FBXL5: variants seen among roughly 807,000 people sequenced by gnomAD.
FBXL5 encodes F-box/LRR-repeat protein 5.
Under a neutral mutation model 78.3 loss-of-function variants are expected in FBXL5, and 26 were observed. The ratio of observed to expected loss-of-function variants is 0.33; its 90% CI spans 0.24 to 0.46. The LOEUF (loss-of-function observed/expected upper bound fraction) is 0.46, where lower values mean the gene tolerates loss of function less well. FBXL5 is among the 20% of genes least tolerant of loss of function. The pLI is 1.00. For synonymous variants in FBXL5, 295 were observed against 282.5 expected, an observed-to-expected ratio of 1.04 and a Z score of -0.45; for missense variants, 710 against 829.2, an observed-to-expected ratio of 0.86 and a Z score of 1.77.
intron 1 of FBXL5, among the ~76,000 whole-genome samples, chr4:15,651,241 C>G (rs1298686746): frequency 6.6e-6 from 1 of 152,034 alleles, no homozygotes; most frequent in East Asian, 1.9e-4. Context: ...TGCATAAAAT[C>G]ATAGAGCTAC....
chr4:15,653,532 A>T (rs1175401770), intron 1 of FBXL5, among the ~76,000 whole-genome samples: 3 of 152,198 alleles, frequency 2.0e-5, no homozygotes, highest in Non-Finnish European at 4.4e-5. Flanking sequence ...ACACACGCAC[A>T]AAATTTTCCA....
chr4:15,636,776 C>T, intron 4 of FBXL5, 100 bp from the exon 5 acceptor site: 1 of 772,390 alleles, frequency 1.3e-6, no homozygotes, highest in Non-Finnish European at 2.0e-6. Context: ...TGCCTGAAGT[C>T]AATTCCTTCC....
chr4:15,616,760 T>A (rs1451120480), intron 9 of FBXL5, among the ~76,000 whole-genome samples: 4 of 152,334 alleles, frequency 2.6e-5, no homozygotes, highest in African/African-American at 9.6e-5. Context: ...CCCTGTATTT[T>A]GCCCGGCTCT....
chr4:15,675,875 G>A (rs560336154), intron 1 of FBXL5, among the ~76,000 whole-genome samples: 3 of 152,154 alleles, frequency 2.0e-5, no homozygotes, highest in African/African-American at 7.2e-5. Flanking sequence ...GAGCCACCGC[G>A]CCCAGCCAAA....
At chr4:15,663,069 G>A (rs1717390085), upstream of FBXL5, among the ~76,000 whole-genome samples, 3 of 152,030 alleles carry the variant, frequency 2.0e-5, no homozygotes, top group Admixed American at 2.0e-4. Context: ...CAAAATAAAA[G>A]GAATGCTATT....
intron 2 of FBXL5, chr4:15,641,518 G>T (rs1714869984): frequency 5.1e-6 from 2 of 395,650 alleles, no homozygotes; most frequent in African/African-American, 2.4e-5. Flanking sequence ...CTTTTCTCTA[G>T]CTTACCTTAC....
In FBXL5 at chr4:15,616,089, C is replaced by G. The variant is rs1467786798; in HGVS notation, c.1851-3675G>C. On this transcript the variant is annotated intron_variant, in intron 9 of 10. Transcript: ENST00000341285. ...GCCTTAAGAGCTGTAACACTCACCG[C>G]GAAGGTCTGCAGCTTCACTCCTGAG... Among the ~76,000 whole-genome samples, 3 of 152,142 alleles carry G rather than the reference C, an allele frequency of 2.0e-5. No homozygotes were observed. In the South Asian group the frequency reaches 6.3e-4, roughly 32 times the overall value.
At chr4:15,670,005 A>C (rs533615472) in intron 1 of FBXL5, among the ~76,000 whole-genome samples, 8 of 152,234 alleles carry the variant, frequency 5.3e-5, no homozygotes, top group Non-Finnish European at 1.2e-4. Context: ...GAAAGAAATA[A>C]AATTAGAGCT....
chr4:15,631,243 G>A (rs995006026), intron 5 of FBXL5, among the ~76,000 whole-genome samples: 1 of 152,172 alleles, frequency 6.6e-6, no homozygotes, highest in Non-Finnish European at 1.5e-5. Flanking sequence ...CAAAGGACAT[G>A]AACTCATCAT....
At chr4:15,623,825 AGTTT>A (rs1413122064) in intron 9 of FBXL5, among the ~76,000 whole-genome samples, 1 of 146,120 alleles carries the variant, frequency 6.8e-6, no homozygotes, top group Non-Finnish European at 1.5e-5. Flanking sequence ...ATTTTACAAT[AGTTT>A]TTTTTTTTTT....
At chr4:15,650,017 A>G (rs1715794534) in intron 1 of FBXL5, among the ~76,000 whole-genome samples, 1 of 152,194 alleles carries the variant, frequency 6.6e-6, no homozygotes, top group Non-Finnish European at 1.5e-5. Flanking sequence ...CAGAAAGAAC[A>G]CTTGCTCTAA....
At chr4:15,626,070 T>A in intron 8 of FBXL5, 93 bp from the exon 9 acceptor site, 1 of 1,129,664 alleles carries the variant, frequency 8.9e-7, no homozygotes, top group Non-Finnish European at 1.2e-6. Context: ...GAAGAAAGAT[T>A]TGACATCTAA....
In FBXL5 at chr4:15,612,413, C is replaced by G. The variant is rs750868400; in HGVS notation, c.1852G>C (p.Val618Leu). The G allele has an allele frequency of 3.7e-6, 6 of 1,604,712 alleles. No individual in the cohort carries two copies. Among genetic ancestry groups the G allele is most frequent in the Non-Finnish European group, 5.1e-6 (6 of 1,176,780 alleles). The change falls in exon 10 of 11, where the codon GTT becomes CTT. Residue 618 changes from valine (V) to leucine (L), a missense_variant and splice_region_variant. Val to Leu is a conservative substitution (Grantham distance 32). This residue lies in a region of FBXL5 where 58 missense variants were observed against 112.3 expected (regional missense o/e 0.52). Coordinates refer to ENST00000341285, the MANE Select transcript of FBXL5 (RefSeq NM_012161.4). ...GGCAGCCCTCCTCCCAGAGTCAAAA[C>G]CCTGTAAGAAAAATAATTTGACAAT... ...CYQITDHGLRVLTLGGGLPYL... is the reference protein window; with the variant it reads ...CYQITDHGLRLLTLGGGLPYL...
In FBXL5 at chr4:15,605,720, G is replaced by A. The variant is rs771311265; in HGVS notation, c.*3C>T. On this transcript the variant is annotated 3_prime_UTR_variant, in exon 11 of 11. Transcript: ENST00000341285. ...GAAGTAGACAAAGATCAGAAGTCAA[G>A]GGTCATTCGCCAGAGCGGCAGCAGG... 1 of 1,612,928 alleles carries A rather than the reference G, an allele frequency of 6.2e-7. No individual in the cohort carries two copies. Among genetic ancestry groups the A allele is most frequent in the Admixed American group, 1.7e-5 (1 of 59,868 alleles).
At chr4:15,622,986 G>C (rs1443000908) in intron 9 of FBXL5, among the ~76,000 whole-genome samples, 11 of 152,150 alleles carry the variant, frequency 7.2e-5, no homozygotes, top group Non-Finnish European at 1.5e-5. Flanking sequence ...TATCCACTTT[G>C]TTCTAAGGTT....
chr4:15,681,098 A>T lies in FBXL5; in HGVS notation c.-284+285T>A, dbSNP rs369837482. ...CATTAGAGGACAGAAATATACATAC[A>T]TATTTAAATCTATTTAATGAAATGC... On this transcript the variant is annotated intron_variant, in intron 1 of 4. Coordinates refer to the FBXL5 transcript ENST00000507899. Among the ~76,000 whole-genome samples the T allele has an allele frequency of 2.4e-4, 36 of 152,134 alleles. No individual in the cohort carries two copies. In the South Asian group the frequency reaches 6.8e-3, roughly 29 times the overall value.
intron 1 of FBXL5, among the ~76,000 whole-genome samples, chr4:15,667,060 A>G (rs939161566): frequency 6.6e-6 from 1 of 152,278 alleles, no homozygotes; most frequent in African/African-American, 2.4e-5. Context: ...TAATGTAAAC[A>G]TTATAAACCA....
At chr4:15,648,277 T>C (rs779408321) in intron 1 of FBXL5, among the ~76,000 whole-genome samples, 12 of 152,292 alleles carry the variant, frequency 7.9e-5, no homozygotes, top group Non-Finnish European at 1.5e-4. Context: ...CAAAATAAAA[T>C]ATCATTAGAA....
At chr4:15,659,586 G>A (rs1037421708), upstream of FBXL5, 2 of 230,304 alleles carry the variant, frequency 8.7e-6, no homozygotes, top group Admixed American at 1.3e-4. Flanking sequence ...TTGAAGAGAA[G>A]TTTAGATAAT....
Sources: gnomAD v4.1 joint callset for allele counts (sites outside exome capture counted in the v4.1 genomes callset) on GRCh38, gnomAD v4.1.1 for gene constraint, gnomAD v4.1.1 regional missense constraint, MANE v1.5 for transcripts, NCBI Gene and HGNC (gene_info 2026-07-23, HGNC 2026-07-21) for gene names.